Variants in INAVA observed in about 807,000 individuals in gnomAD.
INAVA encodes the protein innate immunity activator protein.
In INAVA, 32 loss-of-function variants were observed where a neutral mutation model predicts 55.3. The observed-to-expected ratio is 0.58, with a 90% CI of 0.44 to 0.78. INAVA has a LOEUF of 0.78. Among genes scored for constraint, INAVA ranks in the 30% least tolerant of loss-of-function variants. The pLI, the probability that INAVA is intolerant of heterozygous loss-of-function variation, is 0.00. For missense variants in INAVA, 756 were observed against 786.4 expected, an observed-to-expected ratio of 0.96 and a Z score of 0.46; for synonymous variants, 294 against 329.4, an observed-to-expected ratio of 0.89 and a Z score of 1.16.
In INAVA at chr1:200,912,214, T is replaced by C. The variant is rs1291565652; in HGVS notation, c.1644+77T>C. On this transcript the variant is annotated intron_variant, in intron 9 of 9. Transcript: ENST00000413687. ...GGGGAGGGGCTGCAATTCTAGTATG[T>C]CCAAGGGTACAGAGGCATCAAAGCA... 5.2e-6 allele frequency: 7 copies of C among 1,340,562 alleles called. No homozygotes were observed. In the East Asian group the frequency reaches 1.8e-4, roughly 34 times the overall value. 83.0% of individuals were successfully genotyped at this position (1,340,562 alleles called of 1,614,324 possible).
rs1368028093 is a variant in INAVA, at chr1:200,908,733, A to G, written c.578A>G (p.Glu193Gly). 1 of 1,565,394 alleles carries G rather than the reference A, an allele frequency of 6.4e-7. No individual in the cohort carries two copies. The highest frequency in any genetic ancestry group is 2.3e-5 in the East Asian group (1 of 43,818). The stretch of plus-strand genomic sequence containing the variant: ...CAGGTTTCTTTTACTCCTGCAGAGG[A>G]ATCCCAAGTGCCAAAACCTCCTCCA... Reference protein sequence around the residue: ...LSDGLLLEEEESQVPKPPPES... With the variant: ...LSDGLLLEEEGSQVPKPPPES... The change falls in exon 7 of 10, where the codon GAA (glutamate) becomes GGA (glycine). Residue 193 changes from glutamate (E) to glycine (G), a missense_variant. Coordinates refer to ENST00000413687, the MANE Select transcript of INAVA (RefSeq NM_001142569.3).
chr1:200,898,728 T>G (rs371045575), intron 2 of INAVA, among the ~76,000 whole-genome samples: 2 of 152,200 alleles, frequency 1.3e-5, no homozygotes, highest in Non-Finnish European at 2.9e-5. Context: ...ATGTTCAACT[T>G]TAGCCCCAGC....
intron 5 of INAVA, among the ~76,000 whole-genome samples, chr1:200,903,257 G>A (rs370140950): frequency 4.7e-4 from 71 of 152,184 alleles, no homozygotes; most frequent in African/African-American, 1.7e-3. Flanking sequence ...AAGCCAAGGT[G>A]GGCGGATCAT....
chr1:200,902,579 A>G (rs1338602312), intron 5 of INAVA, among the ~76,000 whole-genome samples: 1 of 152,224 alleles, frequency 6.6e-6, no homozygotes, highest in African/African-American at 2.4e-5. Context: ...AAGTTCTACA[A>G]CCTTACTCCA....
chr1:200,912,633 A>G (rs1308838762), intron 9 of INAVA, among the ~76,000 whole-genome samples: 2 of 152,070 alleles, frequency 1.3e-5, no homozygotes, highest in Non-Finnish European at 2.9e-5. Context: ...CAGAGTTAAG[A>G]GCACCCACCC....
chr1:200,904,686 G>T (rs932412066), intron 5 of INAVA, among the ~76,000 whole-genome samples: 2 of 151,952 alleles, frequency 1.3e-5, no homozygotes, highest in Non-Finnish European at 2.9e-5. Context: ...GGTTGGGACA[G>T]TTGCTGAGAT....
At position 200,909,253 on chromosome 1, in the gene INAVA, C is replaced by T. The variant is rs1653618485; in HGVS notation, c.815C>T (p.Pro272Leu). 6.3e-7 allele frequency: 1 copy of T among 1,597,494 alleles called. No individual in the cohort carries two copies. Among genetic ancestry groups the T allele is most frequent in the African/African-American group, 1.3e-5 (1 of 74,496 alleles). The change falls in exon 8 of 10, where the codon CCC becomes CTC. Residue 272 changes from proline to leucine, a missense_variant. Pro to Leu is a moderately conservative substitution (Grantham distance 98). Transcript: ENST00000413687. ...CCAGCCACCACACCACAGGATGGGCCCAGTGCCTCCAGCCTGTGGCTTCTG... is the reference window on the plus strand; with the variant it reads ...CCAGCCACCACACCACAGGATGGGCTCAGTGCCTCCAGCCTGTGGCTTCTG... ...SSPATTPQDG[P>L]SASSLWLLEP... is the part of the protein sequence containing the mutation.
At chr1:200,901,903 G>A (rs1461635891) in intron 5 of INAVA, among the ~76,000 whole-genome samples, 2 of 152,206 alleles carry the variant, frequency 1.3e-5, no homozygotes, top group African/African-American at 2.4e-5. Flanking sequence ...GTCCACCACA[G>A]GTTAGCTTCC....
upstream of INAVA, among the ~76,000 whole-genome samples, chr1:200,893,437 G>C (rs993194564): frequency 3.9e-5 from 6 of 152,222 alleles, no homozygotes; most frequent in African/African-American, 1.4e-4. Flanking sequence ...AGATGGGCAA[G>C]GTGGAGGAAG....
chr1:200,908,193 G>T, intron 6 of INAVA: 1 of 301,462 alleles, frequency 3.3e-6, no homozygotes, highest in Non-Finnish European at 6.2e-6. Context: ...ATTTCAAGAT[G>T]CACCAGTCAG....
intron 2 of INAVA, 51 bp downstream of exon 2, chr1:200,898,506 G>A (rs1653062505): frequency 6.3e-7 from 1 of 1,596,128 alleles, no homozygotes; most frequent in Non-Finnish European, 8.5e-7. Context: ...CCTGGTCCCT[G>A]GTCCCTGGCC....
intron 7 of INAVA, 43 bp from the exon 8 acceptor site, chr1:200,909,181 T>G: frequency 6.8e-7 from 1 of 1,475,190 alleles, no homozygotes; most frequent in Non-Finnish European, 9.0e-7. Flanking sequence ...AGCCCCTGAA[T>G]GGAGGCATTC....
intron 2 of INAVA, 126 bp from the exon 3 acceptor site, chr1:200,899,347 C>A (rs1653122964): frequency 7.3e-7 from 1 of 1,367,082 alleles, no homozygotes; most frequent in Non-Finnish European, 1.0e-6. Context: ...AATTTGTGGG[C>A]AGGCATGAGA....
chr1:200,912,033 C>T lies in INAVA; in HGVS notation c.1540C>T (p.Arg514Trp), dbSNP rs914861033. ...LKWWHERARL[R>W]STRPHSLDRQ... is the part of the protein sequence containing the mutation. ...GTGGTGGCACGAGCGTGCACGCCTC[C>T]GGAGCACCCGCCCCCACTCACTGGA... is the stretch of plus-strand genomic sequence containing the variant. The change falls in exon 9 of 10, where the codon CGG (arginine) becomes TGG (tryptophan). Residue 514 changes from arginine to tryptophan, a missense_variant. Arg to Trp is a moderately radical substitution (Grantham distance 101). Around this residue, in one of 2 missense-constraint regions of INAVA, gnomAD observed 117 missense variants for 162.1 expected, o/e 0.72. Transcript: ENST00000413687. 9 of 1,543,288 alleles carry T rather than the reference C, an allele frequency of 5.8e-6. No homozygotes were observed. Among genetic ancestry groups the T allele is most frequent in the Non-Finnish European group, 7.9e-6 (9 of 1,146,160 alleles).
In INAVA at chr1:200,912,044, C is replaced by A. The variant is rs296521; in HGVS notation, c.1551C>A (p.Arg517=). Residue 517 remains arginine (R), a synonymous_variant, in exon 9 of 10, where the codon CGC becomes CGA. Transcript: ENST00000413687. ...WHERARLRST[R]PHSLDRQGAF... ...AGCGTGCACGCCTCCGGAGCACCCG[C>A]CCCCACTCACTGGACCGCCAAGGAG... is the stretch of plus-strand genomic sequence containing the variant. The A allele has an allele frequency of 0.48, 747,547 of 1,544,330 alleles. 188,258 individuals are homozygous for A. The highest frequency in any genetic ancestry group is 0.54 in the Admixed American group (27,540 of 50,856).
upstream of INAVA, among the ~76,000 whole-genome samples, chr1:200,893,475 C>T (rs1189853195): frequency 2.0e-5 from 3 of 152,224 alleles, no homozygotes; most frequent in Non-Finnish European, 2.9e-5. Flanking sequence ...GTCAACCCCT[C>T]TCTGTTTGAC....
intron 4 of INAVA, among the ~76,000 whole-genome samples, 166 bp downstream of exon 4, chr1:200,900,386 TG>T (rs1269277666): frequency 2.0e-5 from 3 of 152,144 alleles, no homozygotes; most frequent in East Asian, 3.9e-4. Context: ...GTAGCCCAAA[TG>T]GCTGTGGAGA....
intron 6 of INAVA, 89 bp from the exon 7 acceptor site, chr1:200,908,641 C>A: frequency 5.4e-6 from 6 of 1,110,372 alleles, no homozygotes; most frequent in Non-Finnish European, 7.7e-6. Flanking sequence ...GGAGGGAGAG[C>A]GGCGAGGCAT....
chr1:200,907,198 C>A lies in INAVA; in HGVS notation c.521-636C>A, dbSNP rs72746896. Among the ~76,000 whole-genome samples the A allele has an allele frequency of 1.7e-3, 259 of 152,278 alleles. 1 individual carries two copies. Among genetic ancestry groups the A allele is most frequent in the Non-Finnish European group, 3.2e-3 (215 of 68,000 alleles). ...TCCTTTCCACTACCAAGAAGCCCTG[C>A]CAGAGGACACCCTTTTTCTTTTTTT... On this transcript the variant is annotated intron_variant, in intron 5 of 9. Transcript: ENST00000413687.
Sources: gnomAD v4.1 joint callset for allele counts (sites outside exome capture counted in the v4.1 genomes callset) on GRCh38, gnomAD v4.1.1 for gene constraint, gnomAD v4.1.1 regional missense constraint, MANE v1.5 for transcripts, NCBI Gene and HGNC (gene_info 2026-07-23, HGNC 2026-07-21) for gene names.